Variants in COPS9 observed in about 807,000 individuals in gnomAD.
COPS9 encodes COP9 signalosome complex subunit 9.
A neutral mutation model predicts 7.2 loss-of-function variants in COPS9; 8 were observed. The ratio of observed to expected loss-of-function variants is 1.11; its 90% CI spans 0.65 to 2.00. COPS9 has a LOEUF of 2.00. COPS9 is among the 30% of genes most tolerant of loss of function. The pLI, the probability that COPS9 is intolerant of heterozygous loss-of-function variation, is 0.00. For synonymous variants in COPS9, 39 were observed against 28.7 expected, an observed-to-expected ratio of 1.36 and a Z score of -1.14; for missense variants, 74 against 77.7, an observed-to-expected ratio of 0.95 and a Z score of 0.18.
downstream of COPS9, chr2:240,126,600 CCTT>C: frequency 3.1e-6 from 5 of 1,614,156 alleles, no homozygotes; most frequent in Middle Eastern, 1.6e-4. Flanking sequence ...GGTCTTCTTC[CCTT>C]CTTCTCCACC....
At chr2:240,128,858 G>C (rs1371292472), downstream of COPS9, among the ~76,000 whole-genome samples, 1 of 152,214 alleles carries the variant, frequency 6.6e-6, no homozygotes, top group Admixed American at 6.5e-5. Context: ...AAGCTGCAAG[G>C]ATTCTGTGAA....
intron 2 of COPS9, 100 bp from the exon 3 acceptor site, chr2:240,131,188 A>T (rs1386653653): frequency 7.9e-7 from 1 of 1,272,614 alleles, no homozygotes; most frequent in African/African-American, 1.5e-5. Context: ...TACAGAGATA[A>T]TCGTCAATGA....
rs2071972150 is a variant in COPS9, at chr2:240,135,858, T to TG, written c.63+363_63+364insC. The TG allele has an allele frequency of 2.8e-5, 8 of 288,024 alleles. No individual in the cohort carries two copies. In the South Asian group the frequency reaches 3.9e-4, roughly 14 times the overall value. The allele number at this position is 288,024 out of a possible 1,614,324, so 17.8% of individuals were successfully genotyped here. On this transcript the variant is annotated intron_variant, in intron 1 of 2. Transcript: ENST00000607357. ...CACGAGCTCAAATCCCACACGAGGT[T>TG]ATGGAGACGCACCGCGGGCCCCCAT... is the stretch of plus-strand genomic sequence containing the variant.
At position 240,131,044 on chromosome 2, in the gene COPS9, G is replaced by A. The variant is rs1289992413; in HGVS notation, c.*7C>T. ...GGGCTTGGCCCCGCCTGCAGCCAGA[G>A]GGCATCTCACTGGATGTCATCATCA... On this transcript the variant is annotated 3_prime_UTR_variant, in exon 3 of 3. Coordinates refer to ENST00000607357, the MANE Select transcript of COPS9 (RefSeq NM_001163424.2). The A allele has an allele frequency of 2.5e-6, 4 of 1,612,860 alleles. No homozygotes were observed. Among genetic ancestry groups the A allele is most frequent in the African/African-American group, 2.7e-5 (2 of 74,926 alleles).
At position 240,135,941 on chromosome 2, in the gene COPS9, C is replaced by T. The variant is rs914444468; in HGVS notation, c.63+281G>A. 3.9e-4 allele frequency: 189 copies of T among 484,490 alleles called. 1 individual carries two copies. The highest frequency in any genetic ancestry group is 5.8e-4 in the Non-Finnish European group (163 of 281,630). 30.0% of individuals were successfully genotyped at this position (484,490 alleles called of 1,614,324 possible). A position where few individuals can be genotyped will look rare whatever the true frequency, so the allele number is the denominator to read the frequency against. On this transcript the variant is annotated intron_variant, in intron 1 of 2. Coordinates refer to ENST00000607357, the MANE Select transcript of COPS9 (RefSeq NM_001163424.2). ...CAACTCCTCTGACCACGGGTGTGTTCCCGGGGGCCGTGGGGGCACCCAGCA... is the reference window on the plus strand; with the variant it reads ...CAACTCCTCTGACCACGGGTGTGTTTCCGGGGGCCGTGGGGGCACCCAGCA...
downstream of COPS9, chr2:240,129,979 G>GT: frequency 6.2e-7 from 1 of 1,613,968 alleles, no homozygotes; most frequent in South Asian, 1.1e-5. Context: ...CCTCGCTGCA[G>GT]TGCGGGAACC....
In COPS9 at chr2:240,132,977, G is replaced by A. The variant is rs1243556004; in HGVS notation, c.136+956C>T. The stretch of plus-strand genomic sequence containing the variant: ...GTAGCAGTAAGAATGCTGCCTCAGG[G>A]GCATGGCCAGGCACCCTGGGAAAGC... On this transcript the variant is annotated intron_variant, in intron 2 of 2. Transcript: ENST00000607357. This position sits in a 1 kb window ranked among gnomAD's most constrained non-coding sequence, Gnocchi z 4.1. 6.6e-6 allele frequency among the ~76,000 whole-genome samples: 1 copy of A among 152,208 alleles called. No individual in the cohort carries two copies. Among genetic ancestry groups the A allele is most frequent in the Non-Finnish European group, 1.5e-5 (1 of 68,044 alleles).
chr2:240,129,885 C>A, downstream of COPS9: 1 of 1,599,118 alleles, frequency 6.3e-7, no homozygotes, highest in South Asian at 1.1e-5. Context: ...CCAGTGCAGA[C>A]CTTCTTACAG....
In COPS9 at chr2:240,131,013, T is replaced by G; in HGVS notation, c.*38A>C. 1.2e-6 allele frequency: 2 copies of G among 1,611,014 alleles called. No homozygotes were observed. The highest frequency in any genetic ancestry group is 8.5e-7 in the Non-Finnish European group (1 of 1,178,842). On this transcript the variant is annotated 3_prime_UTR_variant, in exon 3 of 3. Transcript: ENST00000607357. The stretch of plus-strand genomic sequence containing the variant: ...TGCGCAGGCTCACACTGCGGCTCTG[T>G]ACCAAGGGCTTGGCCCCGCCTGCAG...
chr2:240,126,972 G>GTAGT, downstream of COPS9: 1 of 1,600,620 alleles, frequency 6.2e-7, no homozygotes, highest in Non-Finnish European at 8.5e-7. Flanking sequence ...CGTGACACTA[G>GTAGT]AACGAGGTCT....
chr2:240,135,341 C>A (rs2071965449), intron 1 of COPS9, among the ~76,000 whole-genome samples: 1 of 152,206 alleles, frequency 6.6e-6, no homozygotes, highest in Admixed American at 6.5e-5. Context: ...CCCCTCAAAG[C>A]CCTGAGGGTC....
intron 1 of COPS9, among the ~76,000 whole-genome samples, chr2:240,135,432 C>T (rs763500805): frequency 7.2e-4 from 110 of 152,300 alleles, no homozygotes; most frequent in African/African-American, 2.2e-3. Context: ...CCTCCACAAG[C>T]ACAAGGGCTG....
chr2:240,134,256 C>A (rs1457334911), intron 1 of COPS9: 4 of 487,866 alleles, frequency 8.2e-6, no homozygotes, highest in South Asian at 2.7e-5. Flanking sequence ...AAAAAAGAAA[C>A]CTACCACTGA....
At chr2:240,129,307 C>T (rs1000063454), downstream of COPS9, among the ~76,000 whole-genome samples, 48 of 152,218 alleles carry the variant, frequency 3.2e-4, no homozygotes, top group African/African-American at 1.1e-3. Flanking sequence ...GGACTATAGG[C>T]ACGTGCCACC....
intron 2 of COPS9, among the ~76,000 whole-genome samples, chr2:240,133,439 C>T (rs942712334): frequency 2.0e-5 from 3 of 152,214 alleles, no homozygotes; most frequent in African/African-American, 7.2e-5. Context: ...GAAAACACAT[C>T]CTGCGTCCTG....
At chr2:240,135,855 G>A (rs370162980) in intron 1 of COPS9, 1 of 260,346 alleles carries the variant, frequency 3.8e-6, no homozygotes, top group Non-Finnish European at 7.2e-6. Flanking sequence ...TCCCACACGA[G>A]GTTATGGAGA....
chr2:240,135,398 A>T (rs190134027), intron 1 of COPS9, among the ~76,000 whole-genome samples: 45 of 152,248 alleles, frequency 3.0e-4, no homozygotes, highest in African/African-American at 1.0e-3. Context: ...GGTATTTGCA[A>T]TCAGCCGCTC....
At chr2:240,128,561 G>A (rs571117395), downstream of COPS9, among the ~76,000 whole-genome samples, 4 of 152,272 alleles carry the variant, frequency 2.6e-5, no homozygotes, top group East Asian at 1.9e-4. Flanking sequence ...CTGAGCCTGC[G>A]GTCCCCCAGC....
At chr2:240,136,191 C>T (rs764209279) in intron 1 of COPS9, 31 bp downstream of exon 1, 6 of 1,501,258 alleles carry the variant, frequency 4.0e-6, no homozygotes, top group Non-Finnish European at 5.3e-6. Context: ...CCGCTCCCCA[C>T]GCTCGGAGAC....
Sources: allele counts gnomAD v4.1 joint callset (sites outside exome capture counted in the v4.1 genomes callset), GRCh38; gene constraint gnomAD v4.1.1; non-coding constraint Gnocchi (gnomAD v3.1); transcripts MANE v1.5; gene names NCBI Gene and HGNC (gene_info 2026-07-23, HGNC 2026-07-21).